Variants in RNF212 observed in about 807,000 individuals in gnomAD.
The protein encoded by RNF212 is ring finger protein 212.
In RNF212, 33 loss-of-function variants were observed where a neutral mutation model predicts 34.7. The ratio of observed to expected loss-of-function variants is 0.95; its 90% CI spans 0.72 to 1.27. The LOEUF is 1.27. Ranked by LOEUF, RNF212 falls within the 50% of genes most tolerant of loss-of-function variation. The probability of loss-of-function intolerance (pLI) is 0.00; values close to 1 mark genes in which losing one functional copy is unlikely to be tolerated. For missense variants in RNF212, 377 were observed against 362.2 expected, an observed-to-expected ratio of 1.04 and a Z score of -0.33; for synonymous variants, 140 against 136.1, an observed-to-expected ratio of 1.03 and a Z score of -0.20.
downstream of RNF212, chr4:1,071,435 G>C (rs753261112): frequency 1.3e-5 from 2 of 151,982 alleles, no homozygotes; most frequent in Non-Finnish European, 2.9e-5. Context: ...TTCTGTGAAA[G>C]ATAATGTCAA....
intron 8 of RNF212, among the ~76,000 whole-genome samples, chr4:1,074,128 A>G (rs1355853472): frequency 6.6e-6 from 1 of 152,134 alleles, no homozygotes; most frequent in African/African-American, 2.4e-5. Context: ...CTATCCAGCA[A>G]CCACGAGGCC....
intron 2 of RNF212, chr4:1,099,858 A>T: frequency 2.2e-6 from 1 of 456,232 alleles, no homozygotes; most frequent in South Asian, 1.5e-5. Context: ...TGCGGGATCC[A>T]CGGGGCTCTC....
chr4:1,057,729 T>C (rs1420312933), intron 4 of RNF212, among the ~76,000 whole-genome samples: 1 of 151,622 alleles, frequency 6.6e-6, no homozygotes, highest in Admixed American at 6.6e-5. Flanking sequence ...TTGAAGTTTT[T>C]AGCAACAGGG....
chr4:1,111,718 C>T (rs569676612), intron 1 of RNF212, among the ~76,000 whole-genome samples: 1 of 152,274 alleles, frequency 6.6e-6, no homozygotes, highest in Non-Finnish European at 1.5e-5. Context: ...CACCTGAAAT[C>T]AACAACTCCA....
chr4:1,103,470 T>A (rs1459346590), intron 2 of RNF212, among the ~76,000 whole-genome samples: 1 of 152,218 alleles, frequency 6.6e-6, no homozygotes, highest in African/African-American at 2.4e-5. Context: ...CCAGCTCTCA[T>A]ATGAACATAG....
intron 3 of RNF212, among the ~76,000 whole-genome samples, chr4:1,065,735 T>TGA (rs1343650127): frequency 6.9e-6 from 1 of 145,130 alleles, no homozygotes; most frequent in Admixed American, 6.9e-5. Context: ...TACAGGTGTG[T>TGA]GCCACCACAC....
At chr4:1,073,979 A>C (rs1718859883) in intron 8 of RNF212, among the ~76,000 whole-genome samples, 2 of 152,184 alleles carry the variant, frequency 1.3e-5, no homozygotes, top group South Asian at 4.1e-4. Flanking sequence ...AGCTGATGTT[A>C]GAGAATGTGA....
At chr4:1,092,026 C>T (rs1560135230) in intron 3 of RNF212, among the ~76,000 whole-genome samples, 1 of 152,358 alleles carries the variant, frequency 6.6e-6, no homozygotes, top group East Asian at 1.9e-4. Flanking sequence ...TCAAGTCCTG[C>T]TGCCTGTCGG....
chr4:1,081,743 C>T, intron 5 of RNF212, 124 bp from the exon 6 acceptor site: 1 of 703,724 alleles, frequency 1.4e-6, no homozygotes, highest in East Asian at 2.7e-5. Context: ...TTGCAAACGG[C>T]ATTTCACATG....
chr4:1,077,756 G>A (rs1401302733), intron 8 of RNF212, among the ~76,000 whole-genome samples: 1 of 152,222 alleles, frequency 6.6e-6, no homozygotes, highest in Non-Finnish European at 1.5e-5. Context: ...CAGGGACCCA[G>A]GGGAGGGCTC....
intron 4 of RNF212, among the ~76,000 whole-genome samples, chr4:1,089,134 T>C (rs774405194): frequency 3.9e-5 from 6 of 152,204 alleles, no homozygotes; most frequent in Non-Finnish European, 8.8e-5. Flanking sequence ...GCTTGCACTG[T>C]GCACCTAGAA....
In RNF212 at chr4:1,113,476, G is replaced by A. The variant is rs192989269; in HGVS notation, c.-12C>T. On this transcript the variant is annotated 5_prime_UTR_variant, in exon 1 of 10. Coordinates refer to ENST00000433731, the MANE Select transcript of RNF212 (RefSeq NM_001131034.4). The stretch of plus-strand genomic sequence containing the variant: ...ACCCAGTTGGCCATGCCAGGCGGGC[G>A]ACCGCAGCGGCGAGGCCGGGCCCAC... The A allele has an allele frequency of 2.8e-5, 45 of 1,602,850 alleles. No individual in the cohort carries two copies. The highest frequency in any genetic ancestry group is 3.3e-4 in the Middle Eastern group (2 of 5,972).
In RNF212 at chr4:1,077,280, G is replaced by A. The variant is rs144952826; in HGVS notation, c.510+2363C>T. Among the ~76,000 whole-genome samples the A allele has an allele frequency of 1.2e-4, 18 of 152,304 alleles. No individual in the cohort carries two copies. In the East Asian group the frequency reaches 1.7e-3, roughly 15 times the overall value. ...AAAGCAAAAGACAGAAAATGCCCATGTCTGGTCTTTGCCCCTCACTTAGGA... is the reference window on the plus strand; with the variant it reads ...AAAGCAAAAGACAGAAAATGCCCATATCTGGTCTTTGCCCCTCACTTAGGA... On this transcript the variant is annotated intron_variant, in intron 8 of 9. Transcript: ENST00000433731.
intron 8 of RNF212, among the ~76,000 whole-genome samples, chr4:1,077,768 A>G (rs976626699): frequency 6.6e-6 from 1 of 152,218 alleles, no homozygotes. Flanking sequence ...GGAGGGCTCC[A>G]TAAGAGCTTC....
intron 3 of RNF212, among the ~76,000 whole-genome samples, chr4:1,061,542 CAG>C (rs1717750137): frequency 6.6e-6 from 1 of 152,208 alleles, no homozygotes. Context: ...AGTGATGCCA[CAG>C]GGGACCAGGA....
At chr4:1,075,715 C>G (rs1315257762) in intron 8 of RNF212, among the ~76,000 whole-genome samples, 1 of 152,216 alleles carries the variant, frequency 6.6e-6, no homozygotes, top group Non-Finnish European at 1.5e-5. Context: ...TCACTGTCGT[C>G]CAGGCTGGAG....
chr4:1,074,053 C>T (rs1718871597), intron 8 of RNF212, among the ~76,000 whole-genome samples: 7 of 152,162 alleles, frequency 4.6e-5, no homozygotes, highest in Admixed American at 3.3e-4. Context: ...TGCTGATGGA[C>T]AGGTTGGAGC....
At chr4:1,075,383 G>A (rs936217561) in intron 8 of RNF212, among the ~76,000 whole-genome samples, 1 of 152,256 alleles carries the variant, frequency 6.6e-6, no homozygotes, top group African/African-American at 2.4e-5. Context: ...GGCAACAGCT[G>A]CTTCTGGGGA....
intron 2 of RNF212, among the ~76,000 whole-genome samples, chr4:1,104,818 C>A (rs57280685): frequency 6.6e-6 from 1 of 152,150 alleles, no homozygotes; most frequent in Non-Finnish European, 1.5e-5. Context: ...TCTGCATCCT[C>A]GCCATGACCT....
Sources: allele counts gnomAD v4.1 joint callset (sites outside exome capture counted in the v4.1 genomes callset), GRCh38; gene constraint gnomAD v4.1.1; transcripts MANE v1.5; gene names NCBI Gene and HGNC (gene_info 2026-07-23, HGNC 2026-07-21).